The following MSN variants were observed in gnomAD, a reference collection of about 807,000 sequenced individuals.
MSN encodes epididymis luminal protein 70.
MSN carries 2 observed loss-of-function variants against 48.0 expected under a neutral mutation model. The ratio of observed to expected loss-of-function variants is 0.04; its 90% CI spans 0.02 to 0.13. The LOEUF (loss-of-function observed/expected upper bound fraction) is 0.13. MSN is among the 10% of genes least tolerant of loss of function. MSN has a pLI of 1.00. For missense variants in MSN, 267 were observed against 470.1 expected, an observed-to-expected ratio of 0.57 and a Z score of 3.99; for synonymous variants, 146 against 166.9, an observed-to-expected ratio of 0.87 and a Z score of 0.97.
At chrX:65,725,571 G>T (rs1198067690) in intron 2 of MSN, among the ~76,000 whole-genome samples, 5 of 111,305 alleles carry the variant, frequency 4.5e-5, no homozygotes, top group Non-Finnish European at 9.4e-5. Context: ...GATATACAAG[G>T]TGCTTTAAAA....
chrX:65,623,307 G>T (rs1163554007), intron 1 of MSN, among the ~76,000 whole-genome samples: 2 of 104,434 alleles, frequency 1.9e-5, no homozygotes, highest in African/African-American at 7.1e-5. Flanking sequence ...TCTATTTCTT[G>T]AAAGAGTTTC....
chrX:65,630,580 C>T (rs1225092283), intron 1 of MSN, among the ~76,000 whole-genome samples: 1 of 110,789 alleles, frequency 9.0e-6, no homozygotes, highest in Admixed American at 9.7e-5. Context: ...CAGAATGAGA[C>T]CCTGCCTCAA....
At chrX:65,610,822 T>C (rs1446497788) in intron 1 of MSN, among the ~76,000 whole-genome samples, 2 of 112,394 alleles carry the variant, frequency 1.8e-5, no homozygotes, top group Non-Finnish European at 3.8e-5. Context: ...TGTAGCAAAA[T>C]ACACTTAACA....
chrX:65,697,519 C>T lies in MSN; in HGVS notation c.13-19299C>T, dbSNP rs190654076. On this transcript the variant is annotated intron_variant, in intron 1 of 12. Coordinates refer to ENST00000360270, the MANE Select transcript of MSN (RefSeq NM_002444.3). ...AGGCTGTGGTTCCTCCTCACTGCCC[C>T]TTCCTCTTTGAGTTTGTCAGGGGAC... Among the ~76,000 whole-genome samples, 7 of 111,542 alleles carry T rather than the reference C, an allele frequency of 6.3e-5. No individual in the cohort carries two copies. The East Asian group carries it at 2.0e-3, about 32-fold the overall frequency.
chrX:65,628,559 C>T (rs747077979), intron 1 of MSN, among the ~76,000 whole-genome samples: 37 of 111,774 alleles, frequency 3.3e-4, no homozygotes, highest in African/African-American at 7.8e-4. Context: ...CCTCGGCCTT[C>T]GGGCCTGTGA....
chrX:65,604,495 A>G (rs2070262648), intron 1 of MSN, among the ~76,000 whole-genome samples: 1 of 112,355 alleles, frequency 8.9e-6, no homozygotes, highest in African/African-American at 3.2e-5. Context: ...ATCAACATAA[A>G]GGAGGGATTC....
At chrX:65,664,776 G>A (rs1189691806), upstream of MSN, among the ~76,000 whole-genome samples, 2 of 96,131 alleles carry the variant, frequency 2.1e-5, no homozygotes, top group African/African-American at 7.8e-5. Context: ...TTAAGACAGT[G>A]TTTTGCTCTG....
At chrX:65,656,850 G>A (rs973892000) in intron 1 of MSN, among the ~76,000 whole-genome samples, 73 of 111,318 alleles carry the variant, frequency 6.6e-4, no homozygotes, top group Non-Finnish European at 1.2e-3. Context: ...TAGAGGGCAC[G>A]GCCTGTGCTG....
intron 1 of MSN, among the ~76,000 whole-genome samples, chrX:65,634,610 C>T (rs73629466): frequency 0.013 from 1,423 of 110,263 alleles, 19 homozygotes; most frequent in African/African-American, 0.044. Flanking sequence ...CAGACTCGGT[C>T]TCAAAATAAA....
intron 1 of MSN, among the ~76,000 whole-genome samples, chrX:65,590,583 TTTGAGGGCA>T (rs2070138719): frequency 9.0e-6 from 1 of 111,153 alleles, no homozygotes; most frequent in Non-Finnish European, 1.9e-5. Flanking sequence ...TCCGGCACAA[TTTGAGGGCA>T]TCCCTCAAAA....
chrX:65,727,938 GA>G, intron 3 of MSN, 29 bp downstream of exon 3: 2 of 1,153,278 alleles, frequency 1.7e-6, no homozygotes, highest in African/African-American at 1.8e-5. Context: ...GTTGGATTTA[GA>G]ATTCTTTTCT....
Position 65,716,897 on chromosome X carries a change from A to G in MSN, c.92A>G (p.Asp31Gly), listed in dbSNP as rs759935225. 8.3e-7 allele frequency: 1 copy of G among 1,209,159 alleles called. No homozygotes were observed. Among genetic ancestry groups the G allele is most frequent in the South Asian group, 1.8e-5 (1 of 56,808 alleles). ...QPNTTGKQLF[D>G]QVVKTIGLRE... The stretch of plus-strand genomic sequence containing the variant: ...AACACCACCGGGAAGCAGCTATTTG[A>G]CCAGGTAAGGCGGAGACTCCTTAGC... Residue 31 changes from aspartate (D) to glycine (G), a missense_variant, in exon 2 of 13, where the codon GAC (aspartate) becomes GGC (glycine). Transcript: ENST00000360270.
chrX:65,715,493 T>G (rs1375608031), intron 1 of MSN, among the ~76,000 whole-genome samples: 1 of 111,879 alleles, frequency 8.9e-6, no homozygotes, highest in Non-Finnish European at 1.9e-5. Flanking sequence ...GTGTCATATC[T>G]GATTTCTTTG....
At position 65,728,846 on chromosome X, in the gene MSN, G is replaced by A. The variant is rs146740081; in HGVS notation, c.193-592G>A. On this transcript the variant is annotated intron_variant, in intron 3 of 12. Coordinates refer to ENST00000360270, the MANE Select transcript of MSN (RefSeq NM_002444.3). ...CCATCTTCGTATCCTCAAACTGGCTGGCCTTGTCCTTAGAAGTCTCCATAC... is the reference window on the plus strand; with the variant it reads ...CCATCTTCGTATCCTCAAACTGGCTAGCCTTGTCCTTAGAAGTCTCCATAC... Among the ~76,000 whole-genome samples the A allele has an allele frequency of 1.2e-3, 130 of 111,237 alleles. 1 individual carries two copies. Among genetic ancestry groups the A allele is most frequent in the African/African-American group, 4.3e-3 (130 of 30,573 alleles).
chrX:65,623,228 A>G (rs1265413356), intron 1 of MSN, among the ~76,000 whole-genome samples: 2 of 109,950 alleles, frequency 1.8e-5, no homozygotes, highest in Non-Finnish European at 3.8e-5. Context: ...TTAACATTGT[A>G]TGCCTTCATC....
At chrX:65,737,621 G>C (rs2071691240) in intron 10 of MSN, among the ~76,000 whole-genome samples, 1 of 111,914 alleles carries the variant, frequency 8.9e-6, no homozygotes, top group South Asian at 3.7e-4. Context: ...AGAACAAAAG[G>C]GACTCATATT....
At chrX:65,634,649 T>C (rs1350130650) in intron 1 of MSN, among the ~76,000 whole-genome samples, 2 of 112,184 alleles carry the variant, frequency 1.8e-5, no homozygotes, top group Non-Finnish European at 3.8e-5. Context: ...AAAAAGCCAT[T>C]GAAATCAGCA....
At chrX:65,642,087 G>C (rs1434465874) in intron 1 of MSN, among the ~76,000 whole-genome samples, 2 of 93,686 alleles carry the variant, frequency 2.1e-5, no homozygotes, top group African/African-American at 8.1e-5. Flanking sequence ...TGAGCCGAGA[G>C]TGTGCCATTG....
chrX:65,665,323 G>A (rs2070858879), upstream of MSN, among the ~76,000 whole-genome samples: 1 of 111,951 alleles, frequency 8.9e-6, no homozygotes, highest in African/African-American at 3.2e-5. Flanking sequence ...CAGTATTAAG[G>A]CGTGTGATGA....
Sources: allele counts gnomAD v4.1 joint callset (sites outside exome capture counted in the v4.1 genomes callset), GRCh38; gene constraint gnomAD v4.1.1; transcripts MANE v1.5; gene names NCBI Gene and HGNC (gene_info 2026-07-23, HGNC 2026-07-21).